Variants in ARHGEF18 observed in about 807,000 individuals in gnomAD.
The protein encoded by ARHGEF18 is Rho/Rac guanine nucleotide exchange factor 18.
A neutral mutation model predicts 155.7 loss-of-function variants in ARHGEF18; 93 were observed. The ratio of observed to expected loss-of-function variants is 0.60; its 90% CI spans 0.50 to 0.71. The LOEUF is 0.71. Among genes scored for constraint, ARHGEF18 ranks in the 30% least tolerant of loss-of-function variants. ARHGEF18 has a pLI of 0.00. For missense variants in ARHGEF18, 1,593 were observed against 1,816.1 expected, an observed-to-expected ratio of 0.88 and a Z score of 2.23; for synonymous variants, 742 against 753.1, an observed-to-expected ratio of 0.99 and a Z score of 0.24.
At chr19:7,356,332 G>A (rs919137449) in intron 1 of ARHGEF18, among the ~76,000 whole-genome samples, 15 of 150,140 alleles carry the variant, frequency 1.0e-4, no homozygotes, top group African/African-American at 3.0e-4. Context: ...GTGCAGTGGC[G>A]CGATCTCAGC....
In ARHGEF18 at chr19:7,460,796, CT is replaced by C. The variant is rs911811817; in HGVS notation, c.2452+814del. ...TCTGTATTTTTTTTTATTTTATCTTCTTTTTTTTTTTTAAACAGAGCCTCGC... is the reference window on the plus strand; with the variant it reads ...TCTGTATTTTTTTTTATTTTATCTTCTTTTTTTTTTTAAACAGAGCCTCGC... On this transcript the variant is annotated intron_variant, in intron 20 of 28. Transcript: ENST00000668164. Among the ~76,000 whole-genome samples the C allele has an allele frequency of 1.9e-3, 273 of 145,146 alleles. 1 individual carries two copies. The highest frequency in any genetic ancestry group is 1.0e-2 in the South Asian group (46 of 4,608).
chr19:7,441,961 G>A lies in ARHGEF18; in HGVS notation c.1269G>A (p.Glu423=), dbSNP rs1192734663. 1.2e-6 allele frequency: 2 copies of A among 1,614,030 alleles called. No individual in the cohort carries two copies. Among genetic ancestry groups the A allele is most frequent in the Admixed American group, 1.7e-5 (1 of 59,986 alleles). ...LRSEIESDGH[E]FEAESWSLAV... ...GTGAGATTGAGTCAGACGGCCACGA[G>A]TTTGAAGCTGAGTCCTGGAGCCTCG... is the stretch of plus-strand genomic sequence containing the variant. The change falls in exon 13 of 29, where the codon GAG becomes GAA. Residue 423 remains glutamate, a synonymous_variant. Transcript: ENST00000668164.
intron 2 of ARHGEF18, among the ~76,000 whole-genome samples, chr19:7,363,308 T>C (rs1969709201): frequency 6.6e-6 from 1 of 151,138 alleles, no homozygotes; most frequent in Non-Finnish European, 1.5e-5. Flanking sequence ...GGAGGAAAGA[T>C]GGGTAGAAGT....
rs1216063999 is a variant in ARHGEF18 at position 7,349,233 on chromosome 19, C to T, written c.-119C>T. On this transcript the variant is annotated 5_prime_UTR_variant, in exon 1 of 29. Transcript: ENST00000668164. Reference sequence around the variant, plus strand: ...GGTGCCTGCAGGTTGAAGAACTGAGCTCTATCTGGTAAGTACTTATCCTGG... The same window carrying T: ...GGTGCCTGCAGGTTGAAGAACTGAGTTCTATCTGGTAAGTACTTATCCTGG... 4 of 152,308 alleles carry T rather than the reference C, an allele frequency of 2.6e-5. No homozygotes were observed. The highest frequency in any genetic ancestry group is 2.1e-4 in the South Asian group (1 of 4,836). 9.4% of individuals were successfully genotyped at this position (152,308 alleles called of 1,614,324 possible). A position where few individuals can be genotyped will look rare whatever the true frequency, so the allele number is the denominator to read the frequency against.
chr19:7,479,965 T>A, the ARHGEF18 span, among the ~76,000 whole-genome samples: 581 of 152,062 alleles, frequency 3.8e-3, 7 homozygotes, highest in African/African-American at 0.013. Context: ...AAAACTGCTC[T>A]AAAAAAATAA....
At chr19:7,394,530 C>G (rs2145528902) in intron 10 of ARHGEF18, among the ~76,000 whole-genome samples, 1 of 152,198 alleles carries the variant, frequency 6.6e-6, no homozygotes, top group Non-Finnish European at 1.5e-5. Context: ...ACCCCCAGCT[C>G]CACTGTCCTC....
At chr19:7,477,580 C>T in the ARHGEF18 span, 8 of 634,432 alleles carry the variant, frequency 1.3e-5, no homozygotes, top group South Asian at 2.0e-4. Flanking sequence ...GCCTCCCTGA[C>T]CATCCACAGA....
chr19:7,417,853 A>C (rs1973110459), intron 10 of ARHGEF18, among the ~76,000 whole-genome samples: 1 of 152,082 alleles, frequency 6.6e-6, no homozygotes, highest in South Asian at 2.1e-4. Context: ...GCTGGTGAGG[A>C]GATAGCCTGG....
At chr19:7,349,839 C>G (rs1259841022) in intron 1 of ARHGEF18, among the ~76,000 whole-genome samples, 2 of 152,116 alleles carry the variant, frequency 1.3e-5, no homozygotes, top group African/African-American at 4.8e-5. Context: ...AATGGGGGAG[C>G]TGGGGCAAAG....
At chr19:7,476,363 C>T (rs544989831), downstream of ARHGEF18, among the ~76,000 whole-genome samples, 1 of 152,236 alleles carries the variant, frequency 6.6e-6, no homozygotes, top group East Asian at 1.9e-4. Context: ...CAAGGGCGCA[C>T]ACACACTGGC....
chr19:7,404,383 A>G (rs1972182810), intron 10 of ARHGEF18, among the ~76,000 whole-genome samples: 1 of 151,902 alleles, frequency 6.6e-6, no homozygotes, highest in South Asian at 2.1e-4. Context: ...GTCAAGTCAC[A>G]AAAAAGAGAA....
intron 3 of ARHGEF18, among the ~76,000 whole-genome samples, chr19:7,374,541 G>C (rs1450050085): frequency 1.3e-5 from 2 of 151,986 alleles, no homozygotes; most frequent in African/African-American, 4.8e-5. Context: ...AGCCAGGTGT[G>C]GTAGTGCACA....
chr19:7,441,969 C>G lies in ARHGEF18; in HGVS notation c.1277C>G (p.Ala426Gly). ...GAGTCAGACGGCCACGAGTTTGAAG[C>G]TGAGTCCTGGAGCCTCGCCGTGGAT... ...EIESDGHEFEAESWSLAVDAA... is the reference protein window; with the variant it reads ...EIESDGHEFEGESWSLAVDAA... The change falls in exon 13 of 29, where the codon GCT (alanine) becomes GGT (glycine). Residue 426 changes from alanine to glycine, a missense_variant. Ala to Gly is a moderately conservative substitution (Grantham distance 60). Transcript: ENST00000668164. 1 of 1,614,146 alleles carries G rather than the reference C, an allele frequency of 6.2e-7. No individual in the cohort carries two copies. Among genetic ancestry groups the G allele is most frequent in the Non-Finnish European group, 8.5e-7 (1 of 1,180,024 alleles).
At chr19:7,458,449 C>A in intron 18 of ARHGEF18, 63 bp from the exon 19 acceptor site, 1 of 1,529,158 alleles carries the variant, frequency 6.5e-7, no homozygotes, top group South Asian at 1.2e-5. Flanking sequence ...GGCCCTTGAC[C>A]TCCCTGCTGT....
chr19:7,466,697 G>C (rs1368484747), intron 23 of ARHGEF18, among the ~76,000 whole-genome samples: 1 of 150,742 alleles, frequency 6.6e-6, no homozygotes, highest in Admixed American at 6.6e-5. Context: ...CCAATTACTC[G>C]GGAGGTTGAG....
rs1273031706 is a variant in ARHGEF18, at chr19:7,464,653, G to A, written c.2867G>A (p.Ser956Asn). 1 of 1,614,072 alleles carries A rather than the reference G, an allele frequency of 6.2e-7. No individual in the cohort carries two copies. The highest frequency in any genetic ancestry group is 8.5e-7 in the Non-Finnish European group (1 of 1,180,000). The change falls in exon 23 of 29, where the codon AGT becomes AAT. Residue 956 changes from serine to asparagine, a missense_variant. By Grantham distance (46) the Ser-to-Asn change is conservative. Coordinates refer to ENST00000668164, the MANE Select transcript of ARHGEF18 (RefSeq NM_001367823.1). The part of the protein sequence containing the change: ...PNSPDLKLSD[S>N]DIPGSSEESP... ...AGCCCGGACTTGAAGCTCAGTGACA[G>A]TGACATTCCTGGGAGCTCTGAGGAA...
At chr19:7,360,968 C>T (rs2145336135) in intron 1 of ARHGEF18, among the ~76,000 whole-genome samples, 1 of 152,342 alleles carries the variant, frequency 6.6e-6, no homozygotes, top group South Asian at 2.1e-4. Flanking sequence ...AGCCACTCAT[C>T]TGTGAATACA....
intron 1 of ARHGEF18, among the ~76,000 whole-genome samples, chr19:7,354,637 T>C (rs1350106451): frequency 2.6e-4 from 39 of 151,980 alleles, no homozygotes; most frequent in Non-Finnish European, 1.5e-5. Context: ...TGTGGCTCAA[T>C]GCCTGCAATC....
At chr19:7,396,629 C>T (rs1167956147) in intron 10 of ARHGEF18, among the ~76,000 whole-genome samples, 2 of 151,656 alleles carry the variant, frequency 1.3e-5, no homozygotes, top group African/African-American at 4.8e-5. Flanking sequence ...GCAGGGGAAT[C>T]ACTTGAACTC....
Sources: allele counts gnomAD v4.1 joint callset (sites outside exome capture counted in the v4.1 genomes callset), GRCh38; gene constraint gnomAD v4.1.1; transcripts MANE v1.5; gene names NCBI Gene and HGNC (gene_info 2026-07-23, HGNC 2026-07-21).